The following DFFA variants were observed in gnomAD, a reference collection of about 807,000 sequenced individuals.
DFFA encodes DNA fragmentation factor subunit alpha, also known as DFF45.
Under a neutral mutation model 28.0 loss-of-function variants are expected in DFFA, and 14 were observed. That is an observed-to-expected ratio of 0.50 (90% CI 0.33 to 0.78). The LOEUF (loss-of-function observed/expected upper bound fraction) is 0.78. Ranked by LOEUF, DFFA falls within the 30% of genes least tolerant of loss-of-function variation. The pLI, the probability that DFFA is intolerant of heterozygous loss-of-function variation, is 0.02. For synonymous variants in DFFA, 158 were observed against 170.3 expected, an observed-to-expected ratio of 0.93 and a Z score of 0.56; for missense variants, 395 against 407.1, an observed-to-expected ratio of 0.97 and a Z score of 0.26.
intron 3 of DFFA, among the ~76,000 whole-genome samples, chr1:10,465,541 G>C (rs1364453670): frequency 6.6e-6 from 1 of 152,086 alleles, no homozygotes; most frequent in Non-Finnish European, 1.5e-5. Context: ...TGGGATTACA[G>C]GCGTTAAGCC....
rs529412377 is a variant in DFFA, at chr1:10,461,333, T to C, written c.*157A>G. On this transcript the variant is annotated 3_prime_UTR_variant, in exon 6 of 6. Transcript: ENST00000377038. ...GAAGCTGGTGGGGCTAAAAAAAAAA[T>C]TGGTGGAACGGCGTATGTTGAGACC... 8.9e-5 allele frequency: 111 copies of C among 1,249,768 alleles called. 1 individual carries two copies. The African/African-American group carries it at 1.5e-3, about 17-fold the overall frequency. The allele number at this position is 1,249,768 out of a possible 1,614,324, so 77.4% of individuals were successfully genotyped here. A position where few individuals can be genotyped will look rare whatever the true frequency, so the allele number is the denominator to read the frequency against.
rs1157129933 is a variant in DFFA at position 10,460,242 on chromosome 1, C to T, written c.*1248G>A. On this transcript the variant is annotated 3_prime_UTR_variant, in exon 6 of 6. Transcript: ENST00000377038. ...ACTAGGTGACAGAGTGAGACTCTGT[C>T]TCAAAAAAACAAAACAAAACTTTTT... 1.3e-5 allele frequency: 2 copies of T among 151,148 alleles called. No individual in the cohort carries two copies. The highest frequency in any genetic ancestry group is 2.9e-5 in the Non-Finnish European group (2 of 67,940). The allele number at this position is 151,148 out of a possible 1,614,324, so 9.4% of individuals were successfully genotyped here.
intron 5 of DFFA, 154 bp from the exon 6 acceptor site, chr1:10,461,856 C>A (rs748992357): frequency 2.0e-6 from 2 of 985,256 alleles, no homozygotes; most frequent in Non-Finnish European, 2.4e-6. Flanking sequence ...TTAATTGCCA[C>A]GGGCTTTTTG....
chr1:10,472,267 G>C lies in DFFA; in HGVS notation c.136+56C>G. On this transcript the variant is annotated intron_variant, in intron 1 of 5. Coordinates refer to ENST00000377038, the MANE Select transcript of DFFA (RefSeq NM_004401.3). The surrounding 1 kb of genome is among the most constrained non-coding windows in gnomAD (Gnocchi z 5.0). ...TCCTGACCCCGCCTCGCCCCCGCCG[G>C]ACGTCCTCACCCGGCCCTGGCTCCC... The C allele has an allele frequency of 2.7e-6, 4 of 1,488,132 alleles. No homozygotes were observed. The highest frequency in any genetic ancestry group is 3.6e-6 in the Non-Finnish European group (4 of 1,111,750). The allele number at this position is 1,488,132 out of a possible 1,614,324, so 92.2% of individuals were successfully genotyped here. A position where few individuals can be genotyped will look rare whatever the true frequency, so the allele number is the denominator to read the frequency against.
chr1:10,462,077 C>T (rs1166751106), intron 5 of DFFA, among the ~76,000 whole-genome samples: 5 of 152,146 alleles, frequency 3.3e-5, no homozygotes, highest in East Asian at 3.9e-4. Context: ...CCAGGATGGT[C>T]TCGATCTCCT....
In DFFA at chr1:10,463,474, G is replaced by A; in HGVS notation, c.588C>T (p.Leu196=). 2 of 1,614,010 alleles carry A rather than the reference G, an allele frequency of 1.2e-6. No homozygotes were observed. The highest frequency in any genetic ancestry group is 1.7e-6 in the Non-Finnish European group (2 of 1,180,026). The change falls in exon 4 of 6, where the codon CTC becomes CTT. Residue 196 remains leucine, a synonymous_variant. Coordinates refer to ENST00000377038, the MANE Select transcript of DFFA (RefSeq NM_004401.3). ...GGCTGCCCTCTTTCTCCAAAGCCTGGAGGTACAGCTGCAGGAGCTGCTTGG... is the reference window on the plus strand; with the variant it reads ...GGCTGCCCTCTTTCTCCAAAGCCTGAAGGTACAGCTGCAGGAGCTGCTTGG... ...RQSKQLLQLY[L]QALEKEGSLL...
chr1:10,467,427 T>G (rs897337873), intron 2 of DFFA, 95 bp from the exon 3 acceptor site: 4 of 1,349,526 alleles, frequency 3.0e-6, no homozygotes, highest in Admixed American at 3.4e-5. Flanking sequence ...GGATCTAGAT[T>G]AATTTCAATG....
chr1:10,462,794 C>G, intron 5 of DFFA: 1 of 1,322,802 alleles, frequency 7.6e-7, no homozygotes, highest in Non-Finnish European at 9.7e-7. Context: ...TGCTATTCCT[C>G]CCTGTCAGGA....
At chr1:10,462,739 T>A in intron 5 of DFFA, 1 of 1,186,910 alleles carries the variant, frequency 8.4e-7, no homozygotes, top group Non-Finnish European at 1.1e-6. Context: ...ATAGATCTTC[T>A]CTGACCATGG....
chr1:10,470,254 G>A (rs7532322), intron 1 of DFFA, among the ~76,000 whole-genome samples: 7,706 of 152,102 alleles, frequency 0.051, 668 homozygotes, highest in African/African-American at 0.18. Flanking sequence ...AAGTGGCAAA[G>A]CTGGGATTTA....
At position 10,457,550 on chromosome 1, in the gene DFFA, C is replaced by A. The variant is rs1331902338; in HGVS notation, c.*3940G>T. On this transcript the variant is annotated 3_prime_UTR_variant, in exon 6 of 6. Transcript: ENST00000377038. ...AAACTTAGCCGGGTGTGGTGGCGGGCACCTGTAATCCCAGCTACTCTGGAG... is the reference window on the plus strand; with the variant it reads ...AAACTTAGCCGGGTGTGGTGGCGGGAACCTGTAATCCCAGCTACTCTGGAG... The A allele has an allele frequency of 1.3e-5, 2 of 151,790 alleles. No homozygotes were observed. The highest frequency in any genetic ancestry group is 2.9e-5 in the Non-Finnish European group (2 of 67,998). 9.4% of individuals were successfully genotyped at this position (151,790 alleles called of 1,614,324 possible).
chr1:10,468,741 A>G (rs1407899852), intron 2 of DFFA, among the ~76,000 whole-genome samples: 2 of 137,884 alleles, frequency 1.5e-5, no homozygotes, highest in African/African-American at 5.3e-5. Context: ...TCATTCATCT[A>G]TTTTTTTTTT....
Position 10,461,607 on chromosome 1 carries a change from G to A in DFFA, c.879C>T (p.Leu293=), listed in dbSNP as rs1361903906. The change falls in exon 6 of 6, where the codon CTC becomes CTT. Residue 293 remains leucine, a synonymous_variant. Coordinates refer to ENST00000377038, the MANE Select transcript of DFFA (RefSeq NM_004401.3). ...ETVQEACERE[L]ALRLQQTQSL... ...TCTGCGTCTGCTGCAGGCGCAGGGC[G>A]AGCTCCCGCTCACAGGCCTCCTGAA... The A allele has an allele frequency of 1.1e-5, 17 of 1,614,106 alleles. No individual in the cohort carries two copies. Among genetic ancestry groups the A allele is most frequent in the African/African-American group, 2.7e-5 (2 of 74,944 alleles).
intron 1 of DFFA, among the ~76,000 whole-genome samples, chr1:10,470,915 T>A (rs1641088473): frequency 6.7e-6 from 1 of 150,018 alleles, no homozygotes. Context: ...TACAAAAAAT[T>A]AGATGGGCGT....
chr1:10,469,174 T>C lies in DFFA; in HGVS notation c.298+3A>G, dbSNP rs1234342489. ...CGTTTTATACATGGCTAGAGTTTCTTACCTGAATTGTTGTATGCCCATTTC... is the reference window on the plus strand; with the variant it reads ...CGTTTTATACATGGCTAGAGTTTCTCACCTGAATTGTTGTATGCCCATTTC... On this transcript the variant is annotated splice_donor_region_variant and intron_variant, in intron 2 of 5. Transcript: ENST00000377038. The C allele has an allele frequency of 6.2e-7, 1 of 1,614,098 alleles. No individual in the cohort carries two copies. The highest frequency in any genetic ancestry group is 1.7e-5 in the Admixed American group (1 of 60,010).
At chr1:10,463,016 C>T in intron 5 of DFFA, 42 bp downstream of exon 5, 1 of 1,612,564 alleles carries the variant, frequency 6.2e-7, no homozygotes, top group Non-Finnish European at 8.5e-7. Flanking sequence ...CATCCCAGGG[C>T]ATGTCCTCCT....
chr1:10,463,517 CTT>C lies in DFFA; in HGVS notation c.543_544del (p.Glu183GlyfsTer35). 2 of 1,614,190 alleles carry C rather than the reference CTT, an allele frequency of 1.2e-6. No individual in the cohort carries two copies. Among genetic ancestry groups the C allele is most frequent in the Non-Finnish European group, 1.7e-6 (2 of 1,180,052 alleles). ...CTGCTTGGACTGACGCACTTCCTCT[CTT>C]TGGTCAAGCACCTGTTGGAGTGTGT... On this transcript the variant is annotated frameshift_variant, in exon 4 of 6. Transcript: ENST00000377038. LOFTEE classifies it high-confidence loss of function.
intron 1 of DFFA, among the ~76,000 whole-genome samples, chr1:10,471,772 G>C (rs1641101592): frequency 6.6e-6 from 1 of 152,212 alleles, no homozygotes; most frequent in Non-Finnish European, 1.5e-5. Context: ...AGAAAACTGA[G>C]GGTTGAGAGC....
Position 10,472,202 on chromosome 1 carries a change from CA to C in DFFA, c.136+120del. On this transcript the variant is annotated intron_variant, in intron 1 of 5. Coordinates refer to ENST00000377038, the MANE Select transcript of DFFA (RefSeq NM_004401.3). This position sits in a 1 kb window ranked among gnomAD's most constrained non-coding sequence, Gnocchi z 5.0. ...ATGCCCACTCGGACCGTTTCTGTCC[CA>C]AGCCTCCACCCGAGATACAAGAATC... 7.7e-7 allele frequency: 1 copy of C among 1,296,242 alleles called. No homozygotes were observed. The highest frequency in any genetic ancestry group is 1.0e-6 in the Non-Finnish European group (1 of 962,852). The allele number at this position is 1,296,242 out of a possible 1,614,324, so 80.3% of individuals were successfully genotyped here. A position where few individuals can be genotyped will look rare whatever the true frequency, so the allele number is the denominator to read the frequency against.
Sources: allele counts gnomAD v4.1 joint callset (sites outside exome capture counted in the v4.1 genomes callset), GRCh38; gene constraint gnomAD v4.1.1; non-coding constraint Gnocchi (gnomAD v3.1); transcripts MANE v1.5; gene names NCBI Gene and HGNC (gene_info 2026-07-23, HGNC 2026-07-21).